PRKACB: variants seen among roughly 807,000 people sequenced by gnomAD.
The protein encoded by PRKACB is protein kinase cAMP-activated catalytic subunit beta.
PRKACB carries 16 observed loss-of-function variants against 51.4 expected under a neutral mutation model. That is an observed-to-expected ratio of 0.31 (90% CI 0.21 to 0.47). The LOEUF (loss-of-function observed/expected upper bound fraction) is 0.47, where lower values mean the gene tolerates loss of function less well. Ranked by LOEUF, PRKACB falls within the 20% of genes least tolerant of loss-of-function variation. The probability of loss-of-function intolerance (pLI) is 1.00; values close to 1 mark genes in which losing one functional copy is unlikely to be tolerated. For synonymous variants in PRKACB, 147 were observed against 154.4 expected, an observed-to-expected ratio of 0.95 and a Z score of 0.35; for missense variants, 309 against 464.5, an observed-to-expected ratio of 0.67 and a Z score of 3.08.
intron 9 of PRKACB, among the ~76,000 whole-genome samples, chr1:84,219,989 A>G (rs1352071403): frequency 2.6e-5 from 4 of 151,902 alleles, no homozygotes; most frequent in South Asian, 2.1e-4. Context: ...TGTGAAGACT[A>G]TCATTGGTAT....
intron 1 of PRKACB, among the ~76,000 whole-genome samples, chr1:84,119,046 G>A (rs1432092767): frequency 6.6e-6 from 1 of 152,102 alleles, no homozygotes; most frequent in Non-Finnish European, 1.5e-5. Context: ...AGGCATTGCA[G>A]TATCCAGGAC....
chr1:84,234,613 C>T (rs1258169320), intron 9 of PRKACB, among the ~76,000 whole-genome samples: 1 of 152,314 alleles, frequency 6.6e-6, no homozygotes, highest in African/African-American at 2.4e-5. Flanking sequence ...ATATAATCTC[C>T]TGGTGCGCCG....
intron 1 of PRKACB, among the ~76,000 whole-genome samples, chr1:84,102,444 G>A (rs894674067): frequency 2.2e-4 from 33 of 151,962 alleles, no homozygotes; most frequent in Non-Finnish European, 3.4e-4. Flanking sequence ...TGTGGCTCAC[G>A]TTACTCTAAA....
At chr1:84,231,235 A>G (rs1433095192) in intron 9 of PRKACB, among the ~76,000 whole-genome samples, 2 of 152,088 alleles carry the variant, frequency 1.3e-5, no homozygotes, top group African/African-American at 4.8e-5. Flanking sequence ...ATTGATTTCC[A>G]TATATTGAAC....
chr1:84,102,992 A>C (rs990822399), intron 1 of PRKACB, among the ~76,000 whole-genome samples: 3 of 152,182 alleles, frequency 2.0e-5, no homozygotes, highest in Non-Finnish European at 2.9e-5. Flanking sequence ...TTAGTTCACA[A>C]GTCTTTAGAT....
intron 1 of PRKACB, among the ~76,000 whole-genome samples, chr1:84,127,492 T>C (rs918584259): frequency 6.6e-6 from 1 of 152,190 alleles, no homozygotes; most frequent in Non-Finnish European, 1.5e-5. Context: ...AAGTATGAAG[T>C]TAATTTACCT....
upstream of PRKACB, among the ~76,000 whole-genome samples, chr1:84,139,633 A>G (rs576537116): frequency 6.6e-6 from 1 of 152,238 alleles, no homozygotes; most frequent in Non-Finnish European, 1.5e-5. Context: ...AATATGGTTA[A>G]GATGTCATTT....
In PRKACB at chr1:84,151,755, C is replaced by G. The variant is rs549168295; in HGVS notation, c.187+7207C>G. ...TATCAGGAGATTGCAGCAATAGAGT[C>G]ACATCTCCAGGCTCCACTTTTAATT... is the stretch of plus-strand genomic sequence containing the variant. On this transcript the variant is annotated intron_variant, in intron 1 of 9. Transcript: ENST00000370685. Among the ~76,000 whole-genome samples, 6 of 152,346 alleles carry G rather than the reference C, an allele frequency of 3.9e-5. No individual in the cohort carries two copies. The East Asian group carries it at 1.2e-3, about 29-fold the overall frequency.
At chr1:84,199,692 G>C (rs995238800) in intron 7 of PRKACB, among the ~76,000 whole-genome samples, 8 of 152,058 alleles carry the variant, frequency 5.3e-5, no homozygotes, top group Non-Finnish European at 1.2e-4. Context: ...TGGGTCGAAT[G>C]GTAGTTCTGC....
rs759171222 is a variant in PRKACB at position 84,175,787 on chromosome 1, GT to G, written c.188-3389del. On this transcript the variant is annotated intron_variant, in intron 1 of 9. Coordinates refer to ENST00000370685, the MANE Select transcript of PRKACB (RefSeq NM_182948.4). ...GAATGTTCCTGCAAACAAATCTTGG[GT>G]GAACATGTAGATTCCTTTGGTATGC... 1.1e-5 allele frequency: 18 copies of G among 1,572,002 alleles called. No individual in the cohort carries two copies. The Admixed American group carries it at 2.6e-4, about 23-fold the overall frequency.
At chr1:84,097,073 C>T (rs1648975810) in intron 1 of PRKACB, among the ~76,000 whole-genome samples, 1 of 151,942 alleles carries the variant, frequency 6.6e-6, no homozygotes, top group African/African-American at 2.4e-5. Flanking sequence ...AGGTAGGGTT[C>T]TTTACTTTTT....
rs1572421763 is a variant in PRKACB, at chr1:84,204,425, C to T, written c.906+1620C>T. 3.1e-5 allele frequency: 41 copies of T among 1,331,504 alleles called. No homozygotes were observed. The East Asian group carries it at 9.3e-4, about 30-fold the overall frequency. 82.5% of individuals were successfully genotyped at this position (1,331,504 alleles called of 1,614,324 possible). Reference sequence around the variant, plus strand: ...ATCAGTATCACTGCTGTTCTTCTTACATTTGTAGATCTCTGGCTTCAGACT... The same window carrying T: ...ATCAGTATCACTGCTGTTCTTCTTATATTTGTAGATCTCTGGCTTCAGACT... On this transcript the variant is annotated intron_variant, in intron 8 of 9. Coordinates refer to ENST00000370685, the MANE Select transcript of PRKACB (RefSeq NM_182948.4).
chr1:84,178,784 G>C (rs1662199314), intron 1 of PRKACB: 1 of 154,322 alleles, frequency 6.5e-6, no homozygotes, highest in Non-Finnish European at 1.4e-5. Flanking sequence ...CGAATCAGTA[G>C]GTTAATGTTC....
chr1:84,187,244 T>C (rs891414272), intron 5 of PRKACB, among the ~76,000 whole-genome samples: 1 of 152,168 alleles, frequency 6.6e-6, no homozygotes, highest in Non-Finnish European at 1.5e-5. Flanking sequence ...TGTGACTAGA[T>C]GAACTGAAAG....
intron 1 of PRKACB, among the ~76,000 whole-genome samples, chr1:84,097,271 T>C (rs959929844): frequency 6.6e-6 from 1 of 152,042 alleles, no homozygotes; most frequent in South Asian, 2.1e-4. Context: ...ATAAATGGAA[T>C]ACTGTCATAA....
chr1:84,102,826 A>G (rs1423299003), intron 1 of PRKACB, among the ~76,000 whole-genome samples: 1 of 152,200 alleles, frequency 6.6e-6, no homozygotes, highest in Non-Finnish European at 1.5e-5. Context: ...CTCAGGACTA[A>G]TCAAGGAATG....
At chr1:84,206,301 A>T (rs1025984002) in intron 8 of PRKACB, among the ~76,000 whole-genome samples, 4 of 152,190 alleles carry the variant, frequency 2.6e-5, no homozygotes, top group African/African-American at 9.6e-5. Flanking sequence ...ATTTTTCCTG[A>T]AGGGAAATTC....
chr1:84,101,039 T>G (rs554339066), intron 1 of PRKACB, among the ~76,000 whole-genome samples: 1 of 152,338 alleles, frequency 6.6e-6, no homozygotes, highest in African/African-American at 2.4e-5. Flanking sequence ...AAGAAACTCA[T>G]TACGCTGTAA....
At chr1:84,197,229 C>G (rs993225252) in intron 6 of PRKACB, among the ~76,000 whole-genome samples, 15 of 152,074 alleles carry the variant, frequency 9.9e-5, no homozygotes, top group African/African-American at 3.6e-4. Flanking sequence ...CAAAGAATCC[C>G]TGACTACCAA....
Sources: gnomAD v4.1 joint callset for allele counts (sites outside exome capture counted in the v4.1 genomes callset) on GRCh38, gnomAD v4.1.1 for gene constraint, MANE v1.5 for transcripts, NCBI Gene and HGNC (gene_info 2026-07-23, HGNC 2026-07-21) for gene names.